NBEAL1: variants seen among roughly 807,000 people sequenced by gnomAD.
NBEAL1 encodes neurobeachin-like protein 1.
In NBEAL1, 273 loss-of-function variants were observed where a neutral mutation model predicts 351.3. The ratio of observed to expected loss-of-function variants is 0.78; its 90% CI spans 0.70 to 0.86. NBEAL1 has a LOEUF of 0.86. NBEAL1 is among the 40% of genes least tolerant of loss of function. The pLI is 0.00. For missense variants in NBEAL1, 2,961 were observed against 3,201.3 expected (o/e 0.92, Z 1.81); for synonymous variants, 1,050 against 1,086.4 (o/e 0.97, Z 0.66).
chr2:203,020,954 T>C (rs1243255832), intron 2 of NBEAL1, among the ~76,000 whole-genome samples: 2 of 152,190 alleles, frequency 1.3e-5, no homozygotes, highest in Admixed American at 1.3e-4. Flanking sequence ...GGAGTCTCAC[T>C]CTGTGGCCCA....
At position 203,221,326 on chromosome 2, in the gene NBEAL1, T is replaced by G. The variant is rs1027665191; in HGVS notation, c.*3972T>G. On this transcript the variant is annotated 3_prime_UTR_variant, in exon 56 of 56. Coordinates refer to ENST00000683969, the MANE Select transcript of NBEAL1 (RefSeq NM_001378026.1). The stretch of plus-strand genomic sequence containing the variant: ...TGAGTAGCATTATCTTTACCACCTT[T>G]CCACTGAAAAGATGCAAGTCCTAGG... 1.3e-5 allele frequency among the ~76,000 whole-genome samples: 2 copies of G among 151,386 alleles called. No individual in the cohort carries two copies. The highest frequency in any genetic ancestry group is 4.8e-5 in the African/African-American group (2 of 41,322).
At position 203,037,211 on chromosome 2, in the gene NBEAL1, T is replaced by C. The variant is rs143582377; in HGVS notation, c.52-4554T>C. Among the ~76,000 whole-genome samples the C allele has an allele frequency of 3.3e-3, 491 of 149,470 alleles. 43 individuals carry two copies. Among genetic ancestry groups the C allele is most frequent in the Non-Finnish European group, 4.5e-3 (298 of 66,582 alleles). The stretch of plus-strand genomic sequence containing the variant: ...TATTCTGGGAACATTCTTTTAGATT[T>C]TGATTTGTAGTGTAATGCTTTTATT... On this transcript the variant is annotated intron_variant, in intron 2 of 55. Transcript: ENST00000683969.
At chr2:203,153,830 C>T (rs976354829) in intron 35 of NBEAL1, among the ~76,000 whole-genome samples, 4 of 152,152 alleles carry the variant, frequency 2.6e-5, no homozygotes, top group African/African-American at 9.7e-5. Flanking sequence ...AAATTTCCTT[C>T]CATAAAGTTC....
intron 30 of NBEAL1, 111 bp downstream of exon 30, chr2:203,138,426 A>T (rs2106320144): frequency 8.8e-7 from 1 of 1,133,228 alleles, no homozygotes; most frequent in East Asian, 2.5e-5. Context: ...GATTCAATAA[A>T]CAAGGATAAG....
chr2:203,217,429 T>A lies in NBEAL1; in HGVS notation c.*75T>A. 7.1e-7 allele frequency: 1 copy of A among 1,412,478 alleles called. No individual in the cohort carries two copies. Among genetic ancestry groups the A allele is most frequent in the East Asian group, 2.6e-5 (1 of 38,584 alleles). The allele number at this position is 1,412,478 out of a possible 1,614,324, so 87.5% of individuals were successfully genotyped here. A position where few individuals can be genotyped will look rare whatever the true frequency, so the allele number is the denominator to read the frequency against. On this transcript the variant is annotated 3_prime_UTR_variant, in exon 56 of 56. Transcript: ENST00000683969. ...TGTCACTTTAACCACATCTCTCAACTCTCTGCAATGTTGCAAGGCTTTTAT... is the reference window on the plus strand; with the variant it reads ...TGTCACTTTAACCACATCTCTCAACACTCTGCAATGTTGCAAGGCTTTTAT...
Position 203,208,644 on chromosome 2 carries a change from T to C in NBEAL1, c.7514T>C (p.Val2505Ala). The C allele has an allele frequency of 6.2e-7, 1 of 1,606,410 alleles. No homozygotes were observed. Among genetic ancestry groups the C allele is most frequent in the East Asian group, 2.2e-5 (1 of 44,788 alleles). The change falls in exon 52 of 56, where the codon GTT (valine) becomes GCT (alanine). Residue 2505 changes from valine to alanine, a missense_variant. Physicochemically the swap from Val to Ala is moderately conservative, Grantham distance 64. Coordinates refer to ENST00000683969, the MANE Select transcript of NBEAL1 (RefSeq NM_001378026.1). ...MIWQITQQGG[V>A]PVGLASKPFQ... is the part of the protein sequence containing the mutation. Reference sequence around the variant, plus strand: ...TTTCTCTTGTATTATTAGGGAGGTGTTCCTGTGGGCTTAGCATCTAAACCT... The same window carrying C: ...TTTCTCTTGTATTATTAGGGAGGTGCTCCTGTGGGCTTAGCATCTAAACCT...
intron 7 of NBEAL1, among the ~76,000 whole-genome samples, chr2:203,071,267 G>A (rs1311259967): frequency 6.6e-6 from 1 of 152,072 alleles, no homozygotes; most frequent in Non-Finnish European, 1.5e-5. Flanking sequence ...GTCCAGCAGG[G>A]TTTATTTTCT....
intron 35 of NBEAL1, 110 bp from the exon 36 acceptor site, chr2:203,157,589 C>T (rs1292161181): frequency 4.2e-6 from 3 of 717,026 alleles, no homozygotes; most frequent in Non-Finnish European, 6.2e-6. Context: ...TTATAATATA[C>T]ATATTGTTAT....
At chr2:203,145,207 G>A (rs572305478) in intron 33 of NBEAL1, 47 bp downstream of exon 33, 6 of 1,548,260 alleles carry the variant, frequency 3.9e-6, no homozygotes, top group South Asian at 1.2e-5. Flanking sequence ...TTGATTTTAG[G>A]CATTTAATAT....
Position 203,136,587 on chromosome 2 carries a change from T to A in NBEAL1, c.4390-12T>A. The A allele has an allele frequency of 6.3e-7, 1 of 1,583,540 alleles. No individual in the cohort carries two copies. Among genetic ancestry groups the A allele is most frequent in the Non-Finnish European group, 8.6e-7 (1 of 1,158,304 alleles). Reference sequence around the variant, plus strand: ...CCTCTAGTTATTTAAAATTACTTTATATTTTCCATAGAGATGTGAGGAGGA... The same window carrying A: ...CCTCTAGTTATTTAAAATTACTTTAAATTTTCCATAGAGATGTGAGGAGGA... On this transcript the variant is annotated splice_polypyrimidine_tract_variant and intron_variant, in intron 28 of 55. Transcript: ENST00000683969.
chr2:203,214,967 T>TA, intron 55 of NBEAL1, among the ~76,000 whole-genome samples: 1 of 152,298 alleles, frequency 6.6e-6, no homozygotes, highest in East Asian at 1.9e-4. Flanking sequence ...CTTCAGAAAA[T>TA]ACATCTGCAA....
intron 24 of NBEAL1, 26 bp downstream of exon 24, chr2:203,127,963 T>C (rs1219626954): frequency 6.6e-7 from 1 of 1,525,306 alleles, no homozygotes; most frequent in East Asian, 2.5e-5. Context: ...TACATCTACT[T>C]TTCCTTTTTA....
intron 19 of NBEAL1, among the ~76,000 whole-genome samples, chr2:203,125,077 C>T (rs991943334): frequency 6.6e-6 from 1 of 152,016 alleles, no homozygotes; most frequent in African/African-American, 2.4e-5. Flanking sequence ...ACTTATGGGG[C>T]TATGTTTCAT....
At chr2:203,039,319 T>TCCCCTCCCCCTCCCCCTCCTTC (rs2061097115) in intron 2 of NBEAL1, among the ~76,000 whole-genome samples, 1 of 36,492 alleles carries the variant, frequency 2.7e-5, no homozygotes, top group Non-Finnish European at 5.2e-5. Flanking sequence ...CCTCCCCCCC[T>TCCCCTCCCCCTCCCCCTCCTTC]CCCCTCCCCC....
At position 203,190,159 on chromosome 2, in the gene NBEAL1, TAC is replaced by T. The variant is rs71034227; in HGVS notation, c.6824-84_6824-83del. On this transcript the variant is annotated intron_variant, in intron 45 of 55. Coordinates refer to ENST00000683969, the MANE Select transcript of NBEAL1 (RefSeq NM_001378026.1). ...TCAAAAAAAAAAAAAAAGATGTGTGTACACACACACACACACACACACACACA... is the reference window on the plus strand; with the variant it reads ...TCAAAAAAAAAAAAAAAGATGTGTGTACACACACACACACACACACACACA... The T allele has an allele frequency of 8.2e-3, 3,690 of 449,874 alleles. 39 individuals are homozygous for T. The highest frequency in any genetic ancestry group is 0.034 in the African/African-American group (1,409 of 41,488). 27.9% of individuals were successfully genotyped at this position (449,874 alleles called of 1,614,324 possible).
chr2:203,190,800 C>G, intron 46 of NBEAL1: 1 of 1,611,124 alleles, frequency 6.2e-7, no homozygotes, highest in Non-Finnish European at 8.5e-7. Context: ...AGTTCGACCC[C>G]AACGAGATCA....
At chr2:203,092,234 A>T (rs890548684) in intron 10 of NBEAL1, among the ~76,000 whole-genome samples, 1 of 152,114 alleles carries the variant, frequency 6.6e-6, no homozygotes, top group Admixed American at 6.5e-5. Flanking sequence ...TTTTTTACTA[A>T]TTTATACATG....
At chr2:203,136,488 G>A in intron 28 of NBEAL1, 111 bp from the exon 29 acceptor site, 1 of 858,632 alleles carries the variant, frequency 1.2e-6, no homozygotes, top group Non-Finnish European at 1.7e-6. Context: ...GTTCATTAAG[G>A]ACTTTAAAAA....
chr2:203,214,802 A>G (rs2065870971), intron 55 of NBEAL1, among the ~76,000 whole-genome samples: 1 of 152,218 alleles, frequency 6.6e-6, no homozygotes, highest in Non-Finnish European at 1.5e-5. Flanking sequence ...CTAGATCCAT[A>G]TTTAGTTACA....
Sources: allele counts gnomAD v4.1 joint callset (sites outside exome capture counted in the v4.1 genomes callset), GRCh38; gene constraint gnomAD v4.1.1; transcripts MANE v1.5; gene names NCBI Gene and HGNC (gene_info 2026-07-23, HGNC 2026-07-21).